Variants in EXD3 observed in about 807,000 individuals in gnomAD.
The protein encoded by EXD3 is exonuclease 3'-5' domain containing 3.
Under a neutral mutation model 98.0 loss-of-function variants are expected in EXD3, and 92 were observed. The observed-to-expected ratio is 0.94, with a 90% confidence interval of 0.79 to 1.12. The LOEUF is 1.12. Ranked by LOEUF, EXD3 falls within the 50% of genes most tolerant of loss-of-function variation. The probability of loss-of-function intolerance (pLI) is 0.00; values close to 1 mark genes in which losing one functional copy is unlikely to be tolerated. For synonymous variants in EXD3, 569 were observed against 526.0 expected (o/e 1.08, Z -1.12); for missense variants, 1,222 against 1,191.6 (o/e 1.03, Z -0.38).
intron 19 of EXD3, among the ~76,000 whole-genome samples, chr9:137,317,140 A>T (rs1229865736): frequency 1.3e-5 from 2 of 152,102 alleles, no homozygotes; most frequent in African/African-American, 4.8e-5. Flanking sequence ...GAGGAGGCTG[A>T]GGCTCAGGAG....
intron 14 of EXD3, 89 bp downstream of exon 14, chr9:137,350,949 G>C: frequency 1.9e-6 from 2 of 1,059,538 alleles, no homozygotes; most frequent in Non-Finnish European, 2.8e-6. Context: ...GAGAAGCCCA[G>C]GGCCGCTGGG....
chr9:137,411,498 C>T (rs1224028502), intron 1 of EXD3, among the ~76,000 whole-genome samples: 1 of 151,808 alleles, frequency 6.6e-6, no homozygotes, highest in East Asian at 1.9e-4. Flanking sequence ...CTCGAAGCTT[C>T]GCCCTCAAGT....
At chr9:137,354,411 G>A (rs1834497970) in intron 9 of EXD3, 34 bp from the exon 10 acceptor site, 1 of 1,612,072 alleles carries the variant, frequency 6.2e-7, no homozygotes, top group Non-Finnish European at 8.5e-7. Context: ...CGGTTGCCAG[G>A]CAGCTCCAGA....
At position 137,403,311 on chromosome 9, in the gene EXD3, CT is replaced by C. The variant is rs974804062; in HGVS notation, c.-47-7908del. ...CAGACCCGAACGCGTCTCCTCCCGG[CT>C]GGTCTGTCCAGGAAAAAGCCCTCCC... is the stretch of plus-strand genomic sequence containing the variant. On this transcript the variant is annotated intron_variant, in intron 1 of 21. Transcript: ENST00000340951. The surrounding 1 kb of genome is among the most constrained non-coding windows in gnomAD (Gnocchi z 6.1). Among the ~76,000 whole-genome samples the C allele has an allele frequency of 5.9e-5, 9 of 152,078 alleles. No homozygotes were observed. Among genetic ancestry groups the C allele is most frequent in the Admixed American group, 5.9e-4 (9 of 15,266 alleles).
intron 1 of EXD3, among the ~76,000 whole-genome samples, chr9:137,419,652 G>C (rs1000207124): frequency 1.3e-5 from 2 of 152,046 alleles, no homozygotes; most frequent in Non-Finnish European, 2.9e-5. Flanking sequence ...CTGGGCAACA[G>C]AGCGAGACTC....
chr9:137,307,355 G>GAGCCCACGCTC, intron 21 of EXD3, 92 bp from the exon 22 acceptor site: 1 of 1,431,398 alleles, frequency 7.0e-7, no homozygotes, highest in Non-Finnish European at 9.1e-7. Flanking sequence ...GGCCCACGCT[G>GAGCCCACGCTC]AGCCCACGCT....
intron 2 of EXD3, chr9:137,392,754 G>A (rs1203997232): frequency 2.7e-6 from 1 of 366,856 alleles, no homozygotes; most frequent in Non-Finnish European, 5.2e-6. Context: ...GGGGCACCGA[G>A]GCTGTTCCAG....
intron 9 of EXD3, 27 bp from the exon 10 acceptor site, chr9:137,354,404 T>A (rs1588331432): frequency 1.2e-6 from 2 of 1,612,174 alleles, no homozygotes; most frequent in East Asian, 4.5e-5. Flanking sequence ...GAAGGGGCGG[T>A]TGCCAGGCAG....
chr9:137,334,336 T>G (rs1833248139), intron 17 of EXD3, among the ~76,000 whole-genome samples: 1 of 152,190 alleles, frequency 6.6e-6, no homozygotes, highest in South Asian at 2.1e-4. Context: ...GAGAAGGGAC[T>G]AATACAGTAT....
At chr9:137,401,578 C>T (rs1385064700) in intron 1 of EXD3, among the ~76,000 whole-genome samples, 2 of 152,204 alleles carry the variant, frequency 1.3e-5, no homozygotes, top group Non-Finnish European at 2.9e-5. Context: ...GCAGAGGTTC[C>T]CAAACCTCAT....
chr9:137,326,863 A>G (rs1480484059), intron 17 of EXD3, among the ~76,000 whole-genome samples: 1 of 152,156 alleles, frequency 6.6e-6, no homozygotes, highest in Non-Finnish European at 1.5e-5. Flanking sequence ...TATGCAAAAG[A>G]ACTGAAAGCA....
Position 137,352,633 on chromosome 9 carries a change from T to C in EXD3, c.1024A>G (p.Arg342Gly), listed in dbSNP as rs369396971. The C allele has an allele frequency of 1.8e-4, 285 of 1,545,774 alleles. No individual in the cohort carries two copies. The highest frequency in any genetic ancestry group is 2.3e-4 in the Non-Finnish European group (262 of 1,145,482). ...GGCGGCGCTCACCTCCCCTGGAGCCTGAACCGGCGGAGTTCCACAGCCACC... is the reference window on the plus strand; with the variant it reads ...GGCGGCGCTCACCTCCCCTGGAGCCCGAACCGGCGGAGTTCCACAGCCACC... ...AAVAVELRRF[R>G]LQGRATEADS... The change falls in exon 11 of 22, where the codon AGG becomes GGG. Residue 342 changes from arginine to glycine, a missense_variant. Physicochemically the swap from Arg to Gly is moderately radical, Grantham distance 125. Coordinates refer to ENST00000340951, the MANE Select transcript of EXD3 (RefSeq NM_017820.5).
At position 137,371,467 on chromosome 9, in the gene EXD3, C is replaced by T. The variant is rs377441730; in HGVS notation, c.462+1438G>A. On this transcript the variant is annotated intron_variant, in intron 5 of 21. Coordinates refer to ENST00000340951, the MANE Select transcript of EXD3 (RefSeq NM_017820.5). The surrounding 1 kb of genome is among the most constrained non-coding windows in gnomAD (Gnocchi z 8.0). ...CCGTGCCCAGGTTCCAATGCACCTCCTCACGGTGAGGGGTCTTGCTGGGAA... is the reference window on the plus strand; with the variant it reads ...CCGTGCCCAGGTTCCAATGCACCTCTTCACGGTGAGGGGTCTTGCTGGGAA... Among the ~76,000 whole-genome samples, 1 of 152,164 alleles carries T rather than the reference C, an allele frequency of 6.6e-6. No individual in the cohort carries two copies. Among genetic ancestry groups the T allele is most frequent in the Non-Finnish European group, 1.5e-5 (1 of 68,010 alleles).
chr9:137,312,473 C>T (rs539636033), intron 19 of EXD3, among the ~76,000 whole-genome samples: 14 of 152,298 alleles, frequency 9.2e-5, no homozygotes, highest in Admixed American at 2.0e-4. Flanking sequence ...GCCACGAGCC[C>T]GTGGGCGTGT....
intron 20 of EXD3, among the ~76,000 whole-genome samples, chr9:137,308,827 G>A (rs1011194985): frequency 1.3e-5 from 2 of 151,930 alleles, no homozygotes; most frequent in Non-Finnish European, 1.5e-5. Flanking sequence ...TAGTAGAGAC[G>A]GGGTTTCACC....
At chr9:137,356,240 G>A in intron 8 of EXD3, 28 bp downstream of exon 8, 5 of 1,533,764 alleles carry the variant, frequency 3.3e-6, no homozygotes, top group Non-Finnish European at 4.4e-6. Flanking sequence ...CCTGGCCTGT[G>A]GGGCAGGAAT....
chr9:137,356,204 G>A (rs1834776711), intron 8 of EXD3, 64 bp downstream of exon 8: 3 of 1,248,598 alleles, frequency 2.4e-6, no homozygotes, highest in Non-Finnish European at 3.4e-6. Flanking sequence ...CACAGAGGAT[G>A]TCCCTGGCCA....
chr9:137,391,011 C>A (rs1371725488), intron 2 of EXD3, among the ~76,000 whole-genome samples: 1 of 152,242 alleles, frequency 6.6e-6, no homozygotes, highest in Non-Finnish European at 1.5e-5. Flanking sequence ...ATCTGGTGTC[C>A]ACACCTCTGG....
chr9:137,326,687 A>T (rs1012318547), intron 17 of EXD3, among the ~76,000 whole-genome samples: 5 of 145,342 alleles, frequency 3.4e-5, no homozygotes, highest in African/African-American at 1.3e-4. Flanking sequence ...TGGCCTTTAT[A>T]AAAAAAAAGG....
Sources: allele counts gnomAD v4.1 joint callset (sites outside exome capture counted in the v4.1 genomes callset), GRCh38; gene constraint gnomAD v4.1.1; non-coding constraint Gnocchi (gnomAD v3.1); transcripts MANE v1.5; gene names NCBI Gene and HGNC (gene_info 2026-07-23, HGNC 2026-07-21).